Variants in GALNT13 observed in about 807,000 individuals in gnomAD.
GALNT13 encodes UDP-GalNAc:polypeptide N-acetylgalactosaminyltransferase 13.
GALNT13 carries 28 observed loss-of-function variants against 64.2 expected under a neutral mutation model. The ratio of observed to expected loss-of-function variants is 0.44; its 90% CI spans 0.32 to 0.60. GALNT13 has a LOEUF of 0.60. Ranked by LOEUF, GALNT13 falls within the 20% of genes least tolerant of loss-of-function variation. The pLI is 0.05. For synonymous variants in GALNT13, 214 were observed against 224.6 expected, an observed-to-expected ratio of 0.95 and a Z score of 0.42; for missense variants, 577 against 669.8, an observed-to-expected ratio of 0.86 and a Z score of 1.53.
intron 3 of GALNT13, among the ~76,000 whole-genome samples, chr2:154,024,233 T>C (rs371764808): frequency 0.11 from 17,311 of 152,126 alleles, 1,623 homozygotes; most frequent in African/African-American, 0.25. Context: ...TGAATCTGAA[T>C]GTTGGCCTGC....
chr2:154,356,779 T>C (rs938834008), intron 9 of GALNT13, among the ~76,000 whole-genome samples: 1 of 151,820 alleles, frequency 6.6e-6, no homozygotes, highest in African/African-American at 2.4e-5. Flanking sequence ...TAACTGAGCC[T>C]TAAACTATAA....
chr2:154,018,580 T>C (rs1335626936), intron 3 of GALNT13, among the ~76,000 whole-genome samples: 1 of 150,418 alleles, frequency 6.6e-6, no homozygotes, highest in Non-Finnish European at 1.5e-5. Context: ...GAGGGAATGA[T>C]GCAAAAGGTG....
chr2:153,182,116 T>C, the GALNT13 span, among the ~76,000 whole-genome samples: 2 of 151,952 alleles, frequency 1.3e-5, no homozygotes, highest in Non-Finnish European at 2.9e-5. Context: ...TGATTTCAGC[T>C]CACTGCAAGC....
chr2:154,249,495 T>C (rs1054476288), intron 7 of GALNT13, among the ~76,000 whole-genome samples: 1 of 152,214 alleles, frequency 6.6e-6, no homozygotes, highest in African/African-American at 2.4e-5. Flanking sequence ...GCCCTGTAAG[T>C]GAACCTCAAT....
At chr2:154,252,726 GATAGAT>G (rs1690143271) in intron 7 of GALNT13, among the ~76,000 whole-genome samples, 1 of 12,474 alleles carries the variant, frequency 8.0e-5, no homozygotes, top group Admixed American at 1.0e-3. Context: ...AATGGAAAAA[GATAGAT>G]AGATAGATAG....
intron 3 of GALNT13, among the ~76,000 whole-genome samples, chr2:154,139,539 A>G (rs1443489725): frequency 6.6e-6 from 1 of 151,872 alleles, no homozygotes; most frequent in Non-Finnish European, 1.5e-5. Context: ...ATCACTCTGA[A>G]GAGTAACTTC....
At chr2:153,168,728 C>T in the GALNT13 span, among the ~76,000 whole-genome samples, 579 of 152,298 alleles carry the variant, frequency 3.8e-3, 2 homozygotes, top group African/African-American at 0.013. Flanking sequence ...AAAGAATTAA[C>T]TAGTACATGT....
the GALNT13 span, among the ~76,000 whole-genome samples, chr2:153,722,325 T>C: frequency 3.5e-5 from 5 of 141,186 alleles, no homozygotes; most frequent in East Asian, 1.0e-3. Context: ...GAGGGAAATT[T>C]ATAGCACTAA....
At chr2:153,083,963 A>G in the GALNT13 span, among the ~76,000 whole-genome samples, 1 of 152,334 alleles carries the variant, frequency 6.6e-6, no homozygotes, top group East Asian at 1.9e-4. Context: ...GTGGCTTGCC[A>G]ATTATCCCAG....
rs533437132 is a variant in GALNT13, at chr2:154,046,209, T to C, written c.143-94128T>C. 8.5e-5 allele frequency among the ~76,000 whole-genome samples: 13 copies of C among 152,236 alleles called. No individual in the cohort carries two copies. In the South Asian group the frequency reaches 2.7e-3, roughly 32 times the overall value. On this transcript the variant is annotated intron_variant, in intron 3 of 12. Transcript: ENST00000392825. ...GCATGGTCATACATGCCTGTAGTCC[T>C]AGCTACTTGGGAGGCTGAAGCAGGA... is the stretch of plus-strand genomic sequence containing the variant.
At chr2:153,635,696 A>T in the GALNT13 span, among the ~76,000 whole-genome samples, 1 of 152,070 alleles carries the variant, frequency 6.6e-6, no homozygotes, top group Admixed American at 6.6e-5. Flanking sequence ...CTCTGTGTCC[A>T]CAACTACTCT....
the GALNT13 span, among the ~76,000 whole-genome samples, chr2:153,146,493 C>T: frequency 6.6e-6 from 1 of 151,916 alleles, no homozygotes; most frequent in African/African-American, 2.4e-5. Flanking sequence ...CTCTAACTGA[C>T]TGTAATTATA....
chr2:153,471,552 C>T, the GALNT13 span, among the ~76,000 whole-genome samples: 1 of 152,112 alleles, frequency 6.6e-6, no homozygotes. Flanking sequence ...TTCTAGCCAC[C>T]ATTTTGAGAA....
chr2:154,358,769 A>G (rs1696895157), intron 9 of GALNT13, among the ~76,000 whole-genome samples: 2 of 152,074 alleles, frequency 1.3e-5, no homozygotes, highest in South Asian at 2.1e-4. Context: ...TGCTAACTTA[A>G]CTACTTAGAT....
intron 1 of GALNT13, among the ~76,000 whole-genome samples, chr2:153,886,204 A>C (rs1574045576): frequency 6.6e-6 from 1 of 151,082 alleles, no homozygotes; most frequent in East Asian, 1.9e-4. Context: ...ATTAACAATG[A>C]GGCACTCTTT....
At chr2:153,689,101 T>TGTGTGTGTGTG in the GALNT13 span, among the ~76,000 whole-genome samples, 1 of 149,832 alleles carries the variant, frequency 6.7e-6, no homozygotes, top group African/African-American at 2.4e-5. Context: ...TGTGTGTGTG[T>TGTGTGTGTGTG]TTAGCGTTAG....
chr2:154,356,056 C>T (rs1222063875), intron 9 of GALNT13, among the ~76,000 whole-genome samples: 1 of 151,934 alleles, frequency 6.6e-6, no homozygotes, highest in Non-Finnish European at 1.5e-5. Flanking sequence ...ATTGCTAAGC[C>T]TCTACTAAAC....
chr2:154,326,752 A>T (rs995983275), intron 9 of GALNT13, among the ~76,000 whole-genome samples: 5 of 152,270 alleles, frequency 3.3e-5, no homozygotes, highest in South Asian at 2.1e-4. Flanking sequence ...CTGACCTAAG[A>T]ATCAAAATAG....
the GALNT13 span, among the ~76,000 whole-genome samples, chr2:153,352,401 G>T: frequency 6.6e-6 from 1 of 151,930 alleles, no homozygotes; most frequent in East Asian, 1.9e-4. Flanking sequence ...CTTCCAGTTT[G>T]CCTCTTTTTA....
Sources: gnomAD v4.1 joint callset for allele counts (sites outside exome capture counted in the v4.1 genomes callset) on GRCh38, gnomAD v4.1.1 for gene constraint, MANE v1.5 for transcripts, NCBI Gene and HGNC (gene_info 2026-07-23, HGNC 2026-07-21) for gene names.